Variants in ELAVL4 observed in about 807,000 individuals in gnomAD.
The protein encoded by ELAVL4 is ELAV like RNA binding protein 4.
A neutral mutation model predicts 35.6 loss-of-function variants in ELAVL4; 1 was observed. That is an observed-to-expected ratio of 0.03 (90% confidence interval 0.01 to 0.13). The LOEUF (loss-of-function observed/expected upper bound fraction) is 0.13, where lower values mean the gene tolerates loss of function less well. ELAVL4 is among the 10% of genes least tolerant of loss of function. The pLI is 1.00. For missense variants in ELAVL4, 267 were observed against 464.9 expected, an observed-to-expected ratio of 0.57 and a Z score of 3.91; for synonymous variants, 156 against 171.0, an observed-to-expected ratio of 0.91 and a Z score of 0.69.
At chr1:50,177,460 C>A (rs951134687) in intron 3 of ELAVL4, among the ~76,000 whole-genome samples, 1 of 152,200 alleles carries the variant, frequency 6.6e-6, no homozygotes, top group Non-Finnish European at 1.5e-5. Flanking sequence ...ACAAAGAGGG[C>A]CTGTGAGCCT....
At chr1:50,182,982 C>T (rs535782425) in intron 3 of ELAVL4, among the ~76,000 whole-genome samples, 18 of 151,884 alleles carry the variant, frequency 1.2e-4, no homozygotes, top group Non-Finnish European at 2.4e-4. Context: ...CTCAGCCTCC[C>T]GAGTAGCTGG....
chr1:50,061,708 A>G (rs1663986796), intron 1 of ELAVL4, among the ~76,000 whole-genome samples: 2 of 152,302 alleles, frequency 1.3e-5, no homozygotes, highest in South Asian at 4.1e-4. Flanking sequence ...GTCCTAGCCA[A>G]TGACTGAACA....
Position 50,189,478 on chromosome 1 carries a change from G to A in ELAVL4, c.355-4287G>A, listed in dbSNP as rs922950943. On this transcript the variant is annotated intron_variant, in intron 3 of 6. Transcript: ENST00000371824. ...GAAAGTACTTTGTCGGCATAAAGCA[G>A]TGGGATCTGTGGAAATGTGTTAGAG... is the stretch of plus-strand genomic sequence containing the variant. Among the ~76,000 whole-genome samples, 5 of 152,384 alleles carry A rather than the reference G, an allele frequency of 3.3e-5. No individual in the cohort carries two copies. The South Asian group carries it at 1.0e-3, about 32-fold the overall frequency.
chr1:50,169,753 A>T (rs777640930), intron 2 of ELAVL4, among the ~76,000 whole-genome samples: 19 of 152,176 alleles, frequency 1.2e-4, no homozygotes, highest in Non-Finnish European at 2.5e-4. Context: ...AGCCCAGCTC[A>T]AATGTCTCCA....
chr1:50,179,614 A>G (rs1680696027), intron 3 of ELAVL4: 1 of 152,304 alleles, frequency 6.6e-6, no homozygotes, highest in Non-Finnish European at 1.5e-5. Context: ...TCTGACTCCC[A>G]TGAAGGAATA....
Position 50,195,812 on chromosome 1 carries a change from C to G in ELAVL4, c.734+26C>G, listed in dbSNP as rs1461565002. 6.8e-6 allele frequency: 11 copies of G among 1,612,754 alleles called. No individual in the cohort carries two copies. The South Asian group carries it at 1.2e-4, about 18-fold the overall frequency. On this transcript the variant is annotated intron_variant, in intron 5 of 6. Coordinates refer to ENST00000371824, the MANE Select transcript of ELAVL4 (RefSeq NM_001144774.3). ...GTAGGCATGCCCAAAGAGGAAGAAG[C>G]CCTGCTACAGGGGTTCATAGCTGGG...
At chr1:50,152,431 C>T (rs1038743264) in intron 2 of ELAVL4, among the ~76,000 whole-genome samples, 3 of 152,060 alleles carry the variant, frequency 2.0e-5, no homozygotes, top group African/African-American at 7.2e-5. Flanking sequence ...CACACACACA[C>T]CCACACATTC....
At chr1:50,172,766 A>T (rs1481482604) in intron 2 of ELAVL4, among the ~76,000 whole-genome samples, 1 of 152,218 alleles carries the variant, frequency 6.6e-6, no homozygotes, top group Non-Finnish European at 1.5e-5. Flanking sequence ...CACATCTATA[A>T]AATGATAATT....
At chr1:50,051,487 T>G (rs1054092535) in intron 1 of ELAVL4, among the ~76,000 whole-genome samples, 1 of 152,206 alleles carries the variant, frequency 6.6e-6, no homozygotes, top group Non-Finnish European at 1.5e-5. Flanking sequence ...TTGGACATTT[T>G]AATTTTTATT....
intron 2 of ELAVL4, among the ~76,000 whole-genome samples, chr1:50,154,311 C>T (rs887150251): frequency 5.9e-5 from 9 of 152,212 alleles, no homozygotes; most frequent in Non-Finnish European, 5.9e-5. Flanking sequence ...CTTCCCATGG[C>T]GTCTGTGATC....
chr1:50,110,746 G>C (rs535042701), intron 1 of ELAVL4, among the ~76,000 whole-genome samples: 1 of 152,148 alleles, frequency 6.6e-6, no homozygotes, highest in Non-Finnish European at 1.5e-5. Context: ...GCTCTGCATA[G>C]ATGTTATAAC....
upstream of ELAVL4, among the ~76,000 whole-genome samples, chr1:50,105,422 GTT>G (rs1431799426): frequency 2.6e-5 from 4 of 151,952 alleles, no homozygotes; most frequent in African/African-American, 4.8e-5. Context: ...GTTTTGTTTT[GTT>G]TTGTTTCATT....
intron 1 of ELAVL4, among the ~76,000 whole-genome samples, chr1:50,124,055 G>A (rs1669476333): frequency 6.6e-6 from 1 of 152,106 alleles, no homozygotes; most frequent in Admixed American, 6.6e-5. Flanking sequence ...TTAATTAGGT[G>A]TTTCATAATG....
At chr1:50,192,844 T>G (rs929540215) in intron 3 of ELAVL4, among the ~76,000 whole-genome samples, 1 of 152,236 alleles carries the variant, frequency 6.6e-6, no homozygotes, top group Non-Finnish European at 1.5e-5. Flanking sequence ...CTAAAATTAA[T>G]GACTGCTGGG....
rs1475755795 is a variant in ELAVL4 at position 50,202,482 on chromosome 1, G to T, written c.*1304G>T. 6.6e-6 allele frequency: 1 copy of T among 152,142 alleles called. No homozygotes were observed. The highest frequency in any genetic ancestry group is 1.5e-5 in the Non-Finnish European group (1 of 68,014). The allele number at this position is 152,142 out of a possible 1,614,324, so 9.4% of individuals were successfully genotyped here. ...TAGCCCATGCTGATAGAATTGGGCT[G>T]TGTTGGTACATTTGAAACACTGTTT... On this transcript the variant is annotated 3_prime_UTR_variant, in exon 7 of 7. Transcript: ENST00000371824.
At chr1:50,132,790 A>G (rs1238106387) in intron 1 of ELAVL4, among the ~76,000 whole-genome samples, 1 of 152,192 alleles carries the variant, frequency 6.6e-6, no homozygotes, top group Non-Finnish European at 1.5e-5. Flanking sequence ...TTTTTTAAAA[A>G]ACAACTTCCT....
At chr1:50,168,149 A>G (rs1221035457) in intron 2 of ELAVL4, among the ~76,000 whole-genome samples, 1 of 152,070 alleles carries the variant, frequency 6.6e-6, no homozygotes, top group African/African-American at 2.4e-5. Context: ...CCATCTTTAA[A>G]CCAGGCCCTA....
intron 1 of ELAVL4, among the ~76,000 whole-genome samples, chr1:50,063,935 C>T (rs1027903217): frequency 1.3e-5 from 2 of 152,036 alleles, no homozygotes; most frequent in East Asian, 3.9e-4. Context: ...CTATTTTCAA[C>T]TGGAAGTGAC....
chr1:50,178,792 G>A (rs1680535129), intron 3 of ELAVL4, among the ~76,000 whole-genome samples: 1 of 152,114 alleles, frequency 6.6e-6, no homozygotes, highest in Admixed American at 6.5e-5. Flanking sequence ...TGTATTTGTA[G>A]GTTTGATTGA....
Sources: allele counts gnomAD v4.1 joint callset (sites outside exome capture counted in the v4.1 genomes callset), GRCh38; gene constraint gnomAD v4.1.1; transcripts MANE v1.5; gene names NCBI Gene and HGNC (gene_info 2026-07-23, HGNC 2026-07-21).